Variants in PLXDC1 observed in about 807,000 individuals in gnomAD.
PLXDC1 encodes the protein plexin domain containing 1.
Under a neutral mutation model 61.3 loss-of-function variants are expected in PLXDC1, and 39 were observed. That is an observed-to-expected ratio of 0.64 (90% CI 0.49 to 0.83). The LOEUF (loss-of-function observed/expected upper bound fraction) is 0.83. PLXDC1 is among the 40% of genes least tolerant of loss of function. The pLI is 0.00. For synonymous variants in PLXDC1, 212 were observed against 254.5 expected (o/e 0.83, Z 1.59); for missense variants, 596 against 666.5 (o/e 0.89, Z 1.17).
chr17:39,070,844 G>A (rs749216593), intron 12 of PLXDC1, among the ~76,000 whole-genome samples: 32 of 152,210 alleles, frequency 2.1e-4, no homozygotes, highest in Non-Finnish European at 3.1e-4. Context: ...CAGGCATGGT[G>A]GCACGCGCCT....
At chr17:39,099,108 C>T (rs1001362813) in intron 7 of PLXDC1, among the ~76,000 whole-genome samples, 1 of 152,020 alleles carries the variant, frequency 6.6e-6, no homozygotes, top group Non-Finnish European at 1.5e-5. Flanking sequence ...GGCAGGTAGA[C>T]CCAACACCTC....
intron 2 of PLXDC1, among the ~76,000 whole-genome samples, chr17:39,109,815 T>C (rs1216146988): frequency 6.6e-6 from 1 of 152,112 alleles, no homozygotes; most frequent in African/African-American, 2.4e-5. Flanking sequence ...AGAGTCATAG[T>C]CCCTGCCCTG....
chr17:39,074,970 C>CT (rs1248702194), intron 11 of PLXDC1, among the ~76,000 whole-genome samples: 1 of 151,892 alleles, frequency 6.6e-6, no homozygotes, highest in African/African-American at 2.4e-5. Context: ...CTTTCCTTTT[C>CT]TTTTTTTGAG....
intron 2 of PLXDC1, among the ~76,000 whole-genome samples, chr17:39,128,117 A>ATATATATGTGTATG (rs1555573193): frequency 1.0e-5 from 1 of 96,426 alleles, no homozygotes; most frequent in Non-Finnish European, 1.9e-5. Context: ...ATATATATGT[A>ATATATATGTGTATG]TATATATATG....
At chr17:39,095,703 C>T (rs1299417280) in intron 7 of PLXDC1, among the ~76,000 whole-genome samples, 2 of 151,606 alleles carry the variant, frequency 1.3e-5, no homozygotes, top group East Asian at 1.9e-4. Flanking sequence ...CTTGCTCTGT[C>T]GCCCAGGCTG....
chr17:39,151,533 C>T lies in PLXDC1; in HGVS notation c.-96G>A. 8.2e-7 allele frequency: 1 copy of T among 1,219,536 alleles called. No homozygotes were observed. The allele number at this position is 1,219,536 out of a possible 1,614,324, so 75.5% of individuals were successfully genotyped here. ...GGCTGCGGCCGCGCGGTCCCCGGGG[C>T]TGGCGGAGGGGCGGGCGGCGAGGAG... is the stretch of plus-strand genomic sequence containing the variant. On this transcript the variant is annotated 5_prime_UTR_variant, in exon 1 of 14. Transcript: ENST00000315392. The surrounding 1 kb of genome is among the most constrained non-coding windows in gnomAD (Gnocchi z 5.2).
chr17:39,149,589 C>T (rs16509), intron 1 of PLXDC1, among the ~76,000 whole-genome samples: 11,055 of 152,262 alleles, frequency 0.073, 525 homozygotes, highest in East Asian at 0.12. Flanking sequence ...TCTGTCAAAG[C>T]CAAGAAGACA....
intron 2 of PLXDC1, among the ~76,000 whole-genome samples, chr17:39,134,726 G>A (rs3025176): frequency 0.013 from 1,915 of 151,882 alleles, 21 homozygotes; most frequent in East Asian, 0.039. Flanking sequence ...TACCCCAAAC[G>A]CCTTCTACCA....
chr17:39,110,633 G>A (rs557412248), intron 2 of PLXDC1, among the ~76,000 whole-genome samples: 1 of 152,326 alleles, frequency 6.6e-6, no homozygotes, highest in Admixed American at 6.5e-5. Context: ...GAGGAGCCCT[G>A]GGTCATTAAT....
intron 2 of PLXDC1, among the ~76,000 whole-genome samples, chr17:39,121,033 G>A (rs536186720): frequency 6.6e-6 from 1 of 151,680 alleles, no homozygotes; most frequent in Admixed American, 6.6e-5. Flanking sequence ...TAGAGTCAAG[G>A]TTTCACCATG....
chr17:39,099,014 C>A (rs1910324920), intron 7 of PLXDC1, among the ~76,000 whole-genome samples: 1 of 152,000 alleles, frequency 6.6e-6, no homozygotes, highest in African/African-American at 2.4e-5. Flanking sequence ...CTGATGGTGA[C>A]AAGGAGGAAC....
chr17:39,087,690 C>A lies in PLXDC1; in HGVS notation c.824G>T (p.Arg275Met). ...PSPDVPESRR[R>M]SIFEYHRIEL... ...TATGCGGTGATATTCAAAGATGCTC[C>A]TTCGCCGAGATTCTGAAACAGAGGC... Residue 275 changes from arginine (R) to methionine (M), a missense_variant, in exon 8 of 14, where the codon AGG (arginine) becomes ATG (methionine). Coordinates refer to ENST00000315392, the MANE Select transcript of PLXDC1 (RefSeq NM_020405.5). 1 of 1,613,530 alleles carries A rather than the reference C, an allele frequency of 6.2e-7. No homozygotes were observed. Among genetic ancestry groups the A allele is most frequent in the Non-Finnish European group, 8.5e-7 (1 of 1,179,644 alleles).
chr17:39,139,916 G>GC, intron 1 of PLXDC1, 84 bp from the exon 2 acceptor site: 1 of 1,324,678 alleles, frequency 7.5e-7, no homozygotes, highest in Non-Finnish European at 1.0e-6. Flanking sequence ...TTCTGCAAGG[G>GC]CCCCAACACC....
upstream of PLXDC1, among the ~76,000 whole-genome samples, chr17:39,152,057 C>A (rs983535077): frequency 6.6e-6 from 1 of 152,056 alleles, no homozygotes. Flanking sequence ...GAATTCTGTG[C>A]GTCTCTGATG....
intron 2 of PLXDC1, among the ~76,000 whole-genome samples, chr17:39,116,922 C>A (rs1308940130): frequency 6.6e-6 from 1 of 152,210 alleles, no homozygotes; most frequent in East Asian, 1.9e-4. Flanking sequence ...TCTGATGTGG[C>A]CCCCGATTAT....
At position 39,122,378 on chromosome 17, in the gene PLXDC1, CAAAAAAAAAAAA is replaced by C. The variant is rs71141762; in HGVS notation, c.256-12999_256-12988del. On this transcript the variant is annotated intron_variant, in intron 2 of 13. Transcript: ENST00000315392. ...TGGGTGACAGAGCGAGACTCTGTCT[CAAAAAAAAAAAA>C]AAAAAAAAAAAAAAGACTGGGGTGC... Among the ~76,000 whole-genome samples, 109 of 36,524 alleles carry C rather than the reference CAAAAAAAAAAAA, an allele frequency of 3.0e-3. 2 individuals are homozygous for C. The highest frequency in any genetic ancestry group is 5.4e-4 in the Non-Finnish European group (11 of 20,328). 24.0% of individuals were successfully genotyped at this position (36,524 alleles called of 152,430 possible). A position where few individuals can be genotyped will look rare whatever the true frequency, so the allele number is the denominator to read the frequency against.
intron 7 of PLXDC1, among the ~76,000 whole-genome samples, chr17:39,093,641 G>A (rs556364405): frequency 8.5e-5 from 13 of 152,144 alleles, no homozygotes; most frequent in African/African-American, 3.1e-4. Flanking sequence ...GCTGGAACCC[G>A]GGAGGCAGAG....
chr17:39,102,705 TAC>T lies in PLXDC1; in HGVS notation c.811+3147_811+3148del, dbSNP rs553513409. 7.1e-3 allele frequency among the ~76,000 whole-genome samples: 959 copies of T among 135,882 alleles called. 8 individuals are homozygous for T. The highest frequency in any genetic ancestry group is 0.019 in the African/African-American group (669 of 35,278). The allele number at this position is 135,882 out of a possible 152,430, so 89.1% of individuals were successfully genotyped here. ...AACACTGACATCGTATGCTATCAAA[TAC>T]ACACACACACACACACACACACACA... On this transcript the variant is annotated intron_variant, in intron 7 of 13. Coordinates refer to ENST00000315392, the MANE Select transcript of PLXDC1 (RefSeq NM_020405.5).
intron 7 of PLXDC1, among the ~76,000 whole-genome samples, chr17:39,090,489 C>A (rs4299185): frequency 0.24 from 35,958 of 152,046 alleles, 4,948 homozygotes; most frequent in Admixed American, 0.4. Context: ...AGAAGCTCGG[C>A]CCCCGGAGGG....
Sources: gnomAD v4.1 joint callset for allele counts (sites outside exome capture counted in the v4.1 genomes callset) on GRCh38, gnomAD v4.1.1 for gene constraint, Gnocchi (gnomAD v3.1) non-coding constraint, MANE v1.5 for transcripts, NCBI Gene and HGNC (gene_info 2026-07-23, HGNC 2026-07-21) for gene names.